The following EPHA5 variants were observed in gnomAD, a reference collection of about 807,000 sequenced individuals.
The protein encoded by EPHA5 is EPH receptor A5, also known as ephrin type-A receptor 5.
A neutral mutation model predicts 105.0 loss-of-function variants in EPHA5; 60 were observed. The observed-to-expected ratio is 0.57, with a 90% CI of 0.46 to 0.71. The LOEUF (loss-of-function observed/expected upper bound fraction) is 0.71, where lower values mean the gene tolerates loss of function less well. Among genes scored for constraint, EPHA5 ranks in the 30% least tolerant of loss-of-function variants. EPHA5 has a pLI of 0.00. For missense variants in EPHA5, 1,218 were observed against 1,274.7 expected, an observed-to-expected ratio of 0.96 and a Z score of 0.68; for synonymous variants, 513 against 449.1, an observed-to-expected ratio of 1.14 and a Z score of -1.80.
chr4:65,409,681 A>T (rs1475400793), intron 7 of EPHA5, among the ~76,000 whole-genome samples: 1 of 152,226 alleles, frequency 6.6e-6, no homozygotes, highest in African/African-American at 2.4e-5. Context: ...TCACAGCAAT[A>T]GGTATCTATA....
intron 13 of EPHA5, 76 bp from the exon 14 acceptor site, chr4:65,348,279 G>A (rs2148843821): frequency 7.6e-7 from 1 of 1,309,584 alleles, no homozygotes; most frequent in Non-Finnish European, 1.1e-6. Flanking sequence ...TCACTGAAAA[G>A]ATCTAGACAG....
intron 8 of EPHA5, among the ~76,000 whole-genome samples, chr4:65,403,262 A>G (rs1223704840): frequency 2.0e-5 from 3 of 152,202 alleles, no homozygotes; most frequent in Non-Finnish European, 2.9e-5. Context: ...TATGCAGTAC[A>G]TTGAAAAGTG....
At chr4:65,400,283 G>A (rs904846702) in intron 8 of EPHA5, among the ~76,000 whole-genome samples, 9 of 152,218 alleles carry the variant, frequency 5.9e-5, no homozygotes, top group African/African-American at 1.4e-4. Flanking sequence ...AATATGCTGT[G>A]CATATAAAGA....
chr4:65,329,434 T>C (rs1004908955), intron 16 of EPHA5, among the ~76,000 whole-genome samples: 1 of 151,458 alleles, frequency 6.6e-6, no homozygotes, highest in African/African-American at 2.4e-5. Flanking sequence ...AACCAAAATA[T>C]GTCATTCTGA....
At chr4:65,489,124 C>T (rs1425988023) in intron 5 of EPHA5, among the ~76,000 whole-genome samples, 1 of 151,994 alleles carries the variant, frequency 6.6e-6, no homozygotes, top group Non-Finnish European at 1.5e-5. Flanking sequence ...GTCTCGATCT[C>T]CTGACCTCGT....
At chr4:65,348,231 TC>T (rs1722409453) in intron 13 of EPHA5, 28 bp from the exon 14 acceptor site, 1 of 1,596,610 alleles carries the variant, frequency 6.3e-7, no homozygotes, top group Non-Finnish European at 8.5e-7. Context: ...TTAAAAAACT[TC>T]CTACATACTT....
At chr4:65,511,918 G>A (rs1733664036) in intron 3 of EPHA5, among the ~76,000 whole-genome samples, 1 of 152,110 alleles carries the variant, frequency 6.6e-6, no homozygotes. Context: ...AAAGAGAGGT[G>A]TCCTAGAAAA....
intron 5 of EPHA5, 24 bp downstream of exon 5, chr4:65,490,353 A>T (rs771527009): frequency 5.0e-6 from 8 of 1,602,948 alleles, no homozygotes; most frequent in Non-Finnish European, 6.8e-6. Context: ...TCACATACAC[A>T]ATTGGGTTGG....
intron 3 of EPHA5, among the ~76,000 whole-genome samples, chr4:65,547,923 A>G (rs2149334076): frequency 6.6e-6 from 1 of 152,140 alleles, no homozygotes; most frequent in East Asian, 1.9e-4. Context: ...CTGAAACTGG[A>G]CTGAGATGAT....
At chr4:65,473,855 C>T (rs1729526460) in intron 5 of EPHA5, among the ~76,000 whole-genome samples, 1 of 149,220 alleles carries the variant, frequency 6.7e-6, no homozygotes, top group South Asian at 2.1e-4. Context: ...CATTAGTAGT[C>T]CTCATTACTC....
At chr4:65,402,449 A>G (rs1472156634) in intron 8 of EPHA5, among the ~76,000 whole-genome samples, 1 of 152,192 alleles carries the variant, frequency 6.6e-6, no homozygotes, top group Non-Finnish European at 1.5e-5. Context: ...CATAAGGGTA[A>G]GTAAGAATCC....
intron 10 of EPHA5, among the ~76,000 whole-genome samples, chr4:65,365,482 A>C: frequency 6.6e-6 from 1 of 151,008 alleles, no homozygotes; most frequent in East Asian, 2.0e-4. Flanking sequence ...TTAAAAAAGA[A>C]TGAAATTAAA....
chr4:65,453,513 G>T (rs535037316), intron 5 of EPHA5, among the ~76,000 whole-genome samples: 1 of 152,264 alleles, frequency 6.6e-6, no homozygotes, highest in East Asian at 1.9e-4. Flanking sequence ...GCAGCATCCT[G>T]ATAAGATCTC....
chr4:65,585,893 T>C (rs1742074422), intron 3 of EPHA5, among the ~76,000 whole-genome samples: 1 of 151,636 alleles, frequency 6.6e-6, no homozygotes, highest in South Asian at 2.1e-4. Context: ...ATTTATAATA[T>C]AAAACTGGAA....
intron 5 of EPHA5, among the ~76,000 whole-genome samples, chr4:65,454,291 A>AATAAT (rs1553918839): frequency 5.3e-4 from 79 of 149,948 alleles, no homozygotes; most frequent in Middle Eastern, 3.5e-3. Flanking sequence ...TAATAATAAT[A>AATAAT]AATAATAATA....
At chr4:65,537,635 A>T (rs1271594917) in intron 3 of EPHA5, among the ~76,000 whole-genome samples, 2 of 151,780 alleles carry the variant, frequency 1.3e-5, no homozygotes, top group Non-Finnish European at 3.0e-5. Flanking sequence ...CACAAAAGTG[A>T]TTTTAGGTTC....
intron 3 of EPHA5, among the ~76,000 whole-genome samples, chr4:65,580,686 C>T (rs892633875): frequency 1.6e-4 from 24 of 151,802 alleles, no homozygotes; most frequent in Admixed American, 1.6e-3. Context: ...ACAAAGATCT[C>T]CCTCCTCCCC....
chr4:65,647,651 T>A (rs985412810), intron 1 of EPHA5, among the ~76,000 whole-genome samples: 16 of 152,168 alleles, frequency 1.1e-4, no homozygotes, highest in African/African-American at 3.9e-4. Context: ...ACATTAGATA[T>A]CAGAAATTTT....
chr4:65,647,185 C>T (rs889585113), intron 1 of EPHA5, among the ~76,000 whole-genome samples: 1 of 151,356 alleles, frequency 6.6e-6, no homozygotes, highest in Non-Finnish European at 1.5e-5. Flanking sequence ...AAAAATTAGC[C>T]GGGTGTGGTG....
Sources: gnomAD v4.1 joint callset for allele counts (sites outside exome capture counted in the v4.1 genomes callset) on GRCh38, gnomAD v4.1.1 for gene constraint, MANE v1.5 for transcripts, NCBI Gene and HGNC (gene_info 2026-07-23, HGNC 2026-07-21) for gene names.